Variants in ARAP1 observed in about 807,000 individuals in gnomAD.
The protein encoded by ARAP1 is arf-GAP with Rho-GAP domain, ANK repeat and PH domain-containing protein 1.
Under a neutral mutation model 172.2 loss-of-function variants are expected in ARAP1, and 76 were observed. That is an observed-to-expected ratio of 0.44 (90% confidence interval 0.37 to 0.53). The LOEUF (loss-of-function observed/expected upper bound fraction) is 0.53. Ranked by LOEUF, ARAP1 falls within the 20% of genes least tolerant of loss-of-function variation. ARAP1 has a pLI of 0.00. For synonymous variants in ARAP1, 804 were observed against 803.3 expected, an observed-to-expected ratio of 1.00 and a Z score of -0.01; for missense variants, 1,686 against 1,977.5, an observed-to-expected ratio of 0.85 and a Z score of 2.80.
intron 2 of ARAP1, among the ~76,000 whole-genome samples, chr11:72,730,981 A>AAGAAAAGTGC (rs1171652107): frequency 6.6e-6 from 1 of 152,228 alleles, no homozygotes; most frequent in African/African-American, 2.4e-5. Flanking sequence ...TAAAGGAGTA[A>AAGAAAAGTGC]AGAAAAGTGC....
chr11:72,740,626 A>T (rs1173776955), intron 1 of ARAP1, among the ~76,000 whole-genome samples: 1 of 152,186 alleles, frequency 6.6e-6, no homozygotes, highest in Non-Finnish European at 1.5e-5. Flanking sequence ...TTCCTAGGCC[A>T]TCTGGATGGA....
Position 72,699,701 on chromosome 11 carries a change from C to T in ARAP1, c.2303-149G>A, listed in dbSNP as rs1856387191. On this transcript the variant is annotated intron_variant, in intron 16 of 34. Transcript: ENST00000393609. The surrounding 1 kb of genome is among the most constrained non-coding windows in gnomAD (Gnocchi z 4.2). ...CTAAATCCATCCACCTCTCTGCATC[C>T]CCACCACGCTAGCCAGCCCACAAGT... The T allele has an allele frequency of 2.7e-6, 3 of 1,120,160 alleles. No individual in the cohort carries two copies. The highest frequency in any genetic ancestry group is 1.6e-5 in the South Asian group (1 of 63,866). The allele number at this position is 1,120,160 out of a possible 1,614,324, so 69.4% of individuals were successfully genotyped here. A position where few individuals can be genotyped will look rare whatever the true frequency, so the allele number is the denominator to read the frequency against.
At chr11:72,715,513 C>T (rs916499404) in intron 3 of ARAP1, among the ~76,000 whole-genome samples, 3 of 151,772 alleles carry the variant, frequency 2.0e-5, no homozygotes, top group African/African-American at 7.3e-5. Flanking sequence ...GTTGCCTCCA[C>T]CAGTAACACC....
At chr11:72,725,000 C>T (rs959187360) in intron 3 of ARAP1, among the ~76,000 whole-genome samples, 1 of 152,160 alleles carries the variant, frequency 6.6e-6, no homozygotes, top group African/African-American at 2.4e-5. Context: ...GCCTCCTGAA[C>T]TCAGATGTCA....
At position 72,693,865 on chromosome 11, in the gene ARAP1, G is replaced by A; in HGVS notation, c.3695-60C>T. 1 of 1,380,060 alleles carries A rather than the reference G, an allele frequency of 7.2e-7. No homozygotes were observed. Among genetic ancestry groups the A allele is most frequent in the Non-Finnish European group, 9.9e-7 (1 of 1,011,308 alleles). 85.5% of individuals were successfully genotyped at this position (1,380,060 alleles called of 1,614,324 possible). A position where few individuals can be genotyped will look rare whatever the true frequency, so the allele number is the denominator to read the frequency against. On this transcript the variant is annotated intron_variant, in intron 27 of 34. Transcript: ENST00000393609. The surrounding 1 kb of genome is among the most constrained non-coding windows in gnomAD (Gnocchi z 4.6). ...ACATGGCCCGATACCACCAAAGGCTGGCAGATGGGCACATATCACCTACAC... is the reference window on the plus strand; with the variant it reads ...ACATGGCCCGATACCACCAAAGGCTAGCAGATGGGCACATATCACCTACAC...
chr11:72,696,421 G>A (rs754742865), intron 23 of ARAP1, 128 bp downstream of exon 23: 1 of 658,244 alleles, frequency 1.5e-6, no homozygotes, highest in Non-Finnish European at 2.5e-6. Context: ...TCCAATGTTA[G>A]GGCAGATCAC....
intron 1 of ARAP1, among the ~76,000 whole-genome samples, chr11:72,749,199 G>A (rs1858463621): frequency 6.6e-6 from 1 of 152,194 alleles, no homozygotes; most frequent in South Asian, 2.1e-4. Flanking sequence ...GCCCTGGGAG[G>A]TGCTCAAAGA....
intron 1 of ARAP1, among the ~76,000 whole-genome samples, 154 bp downstream of exon 1, chr11:72,752,174 C>G (rs1262431611): frequency 6.6e-6 from 1 of 152,112 alleles, no homozygotes; most frequent in South Asian, 2.1e-4. Context: ...CAAGAGGCGA[C>G]CCCCCCATCA....
chr11:72,721,934 C>T (rs538630516), intron 3 of ARAP1: 1 of 986,444 alleles, frequency 1.0e-6, no homozygotes, highest in Non-Finnish European at 1.2e-6. Flanking sequence ...TGTCGTGTAC[C>T]TGCCCGTGCA....
chr11:72,692,732 A>T (rs1267398272), intron 30 of ARAP1, 21 bp downstream of exon 30: 1 of 1,613,712 alleles, frequency 6.2e-7, no homozygotes. Context: ...GGCAGCTGGC[A>T]GTCAGCCCAC....
intron 3 of ARAP1, among the ~76,000 whole-genome samples, chr11:72,717,331 C>T (rs961305953): frequency 4.6e-5 from 7 of 152,174 alleles, no homozygotes; most frequent in Non-Finnish European, 8.8e-5. Context: ...GCCAGTCAGA[C>T]CTCAGTCCAG....
chr11:72,693,650 G>T lies in ARAP1; in HGVS notation c.3808+42C>A. The T allele has an allele frequency of 1.3e-6, 2 of 1,558,802 alleles. No individual in the cohort carries two copies. The highest frequency in any genetic ancestry group is 1.2e-5 in the South Asian group (1 of 85,020). On this transcript the variant is annotated intron_variant, in intron 28 of 34. Transcript: ENST00000393609. This position sits in a 1 kb window ranked among gnomAD's most constrained non-coding sequence, Gnocchi z 4.6. ...CAGGTCCCACCCTGGCTCTGGAAGA[G>T]AGGACCACCCGGAGCCTGGCCACCC... is the stretch of plus-strand genomic sequence containing the variant.
At chr11:72,729,877 T>G (rs187324777) in intron 2 of ARAP1, among the ~76,000 whole-genome samples, 78 of 147,224 alleles carry the variant, frequency 5.3e-4, no homozygotes, top group African/African-American at 1.8e-3. Flanking sequence ...ATCACACCAC[T>G]GCACACCACT....
At chr11:72,694,826 T>G (rs1856105566) in intron 27 of ARAP1, among the ~76,000 whole-genome samples, 154 bp downstream of exon 27, 1 of 152,090 alleles carries the variant, frequency 6.6e-6, no homozygotes, top group South Asian at 2.1e-4. Flanking sequence ...CAGCACCCTA[T>G]CACCACCATC....
At chr11:72,749,360 G>C (rs1042637297) in intron 1 of ARAP1, among the ~76,000 whole-genome samples, 1 of 152,092 alleles carries the variant, frequency 6.6e-6, no homozygotes, top group Non-Finnish European at 1.5e-5. Context: ...CTAATTTCTT[G>C]GGTTATTGGC....
chr11:72,715,965 GATCGAGACC>G lies in ARAP1; in HGVS notation c.510-1653_510-1645del, dbSNP rs201208448. 7.6e-3 allele frequency among the ~76,000 whole-genome samples: 1,152 copies of G among 152,064 alleles called. 11 individuals are homozygous for G. The highest frequency in any genetic ancestry group is 0.026 in the African/African-American group (1,092 of 41,474). On this transcript the variant is annotated intron_variant, in intron 3 of 34. Coordinates refer to ENST00000393609, the MANE Select transcript of ARAP1 (RefSeq NM_001040118.3). Reference sequence around the variant, plus strand: ...AGGCGCGCGGATCACGAGGTCAGGAGATCGAGACCATCCTGGCTAACACAGTGAAACACC... The same window carrying G: ...AGGCGCGCGGATCACGAGGTCAGGAGATCCTGGCTAACACAGTGAAACACC...
intron 27 of ARAP1, 106 bp downstream of exon 27, chr11:72,694,874 C>T: frequency 1.0e-6 from 1 of 972,416 alleles, no homozygotes; most frequent in Non-Finnish European, 1.5e-6. Context: ...CATCAAAGCC[C>T]TTTTCACCAC....
intron 30 of ARAP1, 172 bp from the exon 31 acceptor site, chr11:72,688,709 C>G: frequency 5.1e-6 from 3 of 593,514 alleles, no homozygotes; most frequent in Non-Finnish European, 9.0e-6. Context: ...ACAATCTAGC[C>G]CAACCAACCT....
chr11:72,688,652 C>T (rs2306610), intron 30 of ARAP1, 115 bp from the exon 31 acceptor site: 92,830 of 850,728 alleles, frequency 0.11, 6,024 homozygotes, highest in African/African-American at 0.26. Flanking sequence ...CATCCCAGCA[C>T]AGGGCGCCTC....
Sources: allele counts gnomAD v4.1 joint callset (sites outside exome capture counted in the v4.1 genomes callset), GRCh38; gene constraint gnomAD v4.1.1; non-coding constraint Gnocchi (gnomAD v3.1); transcripts MANE v1.5; gene names NCBI Gene and HGNC (gene_info 2026-07-23, HGNC 2026-07-21).